Variants in KDM2B observed in about 807,000 individuals in gnomAD.
KDM2B encodes the protein lysine-specific demethylase 2B.
A neutral mutation model predicts 150.0 loss-of-function variants in KDM2B; 26 were observed. That is an observed-to-expected ratio of 0.17 (90% CI 0.13 to 0.24). KDM2B has a LOEUF of 0.24. Among genes scored for constraint, KDM2B ranks in the 10% least tolerant of loss-of-function variants. KDM2B has a pLI of 1.00. For missense variants in KDM2B, 1,265 were observed against 1,816.9 expected (o/e 0.70, Z 5.52); for synonymous variants, 734 against 729.5 (o/e 1.01, Z -0.10).
At chr12:121,570,423 C>T (rs1276328469) in intron 4 of KDM2B, among the ~76,000 whole-genome samples, 3 of 152,112 alleles carry the variant, frequency 2.0e-5, no homozygotes, top group East Asian at 1.9e-4. Flanking sequence ...TGGCCTCAAT[C>T]GATCCTCCTA....
In KDM2B at chr12:121,542,144, C is replaced by G. The variant is rs567176118; in HGVS notation, c.683+6733G>C. Among the ~76,000 whole-genome samples the G allele has an allele frequency of 1.2e-4, 19 of 152,258 alleles. 1 individual carries two copies. The South Asian group carries it at 2.9e-3, about 23-fold the overall frequency. ...GCTTCCTCCTTGGTGTTTCTTGAAC[C>G]ATTCACTATGGGGAACCCACTGCCA... On this transcript the variant is annotated intron_variant, in intron 6 of 22. Coordinates refer to ENST00000377071, the MANE Select transcript of KDM2B (RefSeq NM_032590.5).
At chr12:121,449,891 G>A (rs1555291174) in intron 13 of KDM2B, among the ~76,000 whole-genome samples, 1 of 152,180 alleles carries the variant, frequency 6.6e-6, no homozygotes, top group Admixed American at 6.5e-5. Context: ...AACTTCTGCA[G>A]CAAAAGAAAG....
At chr12:121,532,325 T>C (rs1887726023) in intron 8 of KDM2B, among the ~76,000 whole-genome samples, 2 of 152,132 alleles carry the variant, frequency 1.3e-5, no homozygotes, top group African/African-American at 4.8e-5. Flanking sequence ...TCCAGTGAAC[T>C]GGAGGCAAGG....
At position 121,575,987 on chromosome 12, in the gene KDM2B, C is replaced by T; in HGVS notation, c.272-128G>A. On this transcript the variant is annotated intron_variant, in intron 2 of 22. Coordinates refer to ENST00000377071, the MANE Select transcript of KDM2B (RefSeq NM_032590.5). The surrounding 1 kb of genome is among the most constrained non-coding windows in gnomAD (Gnocchi z 4.4). ...GGGGTCCAGGAGATGCAGGCACCAG[C>T]TGTACAGCAAAAGCTCCTTGGAAAA... is the stretch of plus-strand genomic sequence containing the variant. 1 of 689,736 alleles carries T rather than the reference C, an allele frequency of 1.4e-6. No homozygotes were observed. The highest frequency in any genetic ancestry group is 2.6e-6 in the Non-Finnish European group (1 of 382,184). 42.7% of individuals were successfully genotyped at this position (689,736 alleles called of 1,614,324 possible). A position where few individuals can be genotyped will look rare whatever the true frequency, so the allele number is the denominator to read the frequency against.
At chr12:121,415,648 A>G in the KDM2B span, among the ~76,000 whole-genome samples, 2 of 152,060 alleles carry the variant, frequency 1.3e-5, no homozygotes, top group African/African-American at 2.4e-5. Context: ...AAATAAATAA[A>G]TTGATGTTAT....
At position 121,537,604 on chromosome 12, in the gene KDM2B, G is replaced by T. The variant is rs1888242081; in HGVS notation, c.684-3014C>A. ...GCTGCACCTGCAGCACCAACTTTGG[G>T]GCGCTGCCTGGGGGCTGCGGAGGCG... On this transcript the variant is annotated intron_variant, in intron 6 of 22. Transcript: ENST00000377071. This position sits in a 1 kb window ranked among gnomAD's most constrained non-coding sequence, Gnocchi z 8.7. 6.6e-6 allele frequency: 1 copy of T among 152,166 alleles called. No individual in the cohort carries two copies. The highest frequency in any genetic ancestry group is 2.4e-5 in the African/African-American group (1 of 41,458). 9.4% of individuals were successfully genotyped at this position (152,166 alleles called of 1,614,324 possible). A position where few individuals can be genotyped will look rare whatever the true frequency, so the allele number is the denominator to read the frequency against.
At chr12:121,417,477 T>C in the KDM2B span, 2 of 1,586,450 alleles carry the variant, frequency 1.3e-6, no homozygotes, top group East Asian at 2.2e-5. This position sits in a 1 kb window ranked among gnomAD's most constrained non-coding sequence, Gnocchi z 5.0. Context: ...TATATCTTGC[T>C]GTCATCAAAT....
chr12:121,425,827 C>T (rs988050181), downstream of KDM2B, among the ~76,000 whole-genome samples: 2 of 150,272 alleles, frequency 1.3e-5, no homozygotes, highest in Non-Finnish European at 2.9e-5. Context: ...AGTGCAGTGG[C>T]GTGATCTCAG....
intron 10 of KDM2B, among the ~76,000 whole-genome samples, chr12:121,511,312 A>C (rs1412069995): frequency 7.6e-6 from 1 of 132,150 alleles, no homozygotes; most frequent in African/African-American, 3.0e-5. Flanking sequence ...TTTGAGACAG[A>C]GTCTCACTTT....
chr12:121,408,526 C>A, the KDM2B span, among the ~76,000 whole-genome samples: 4 of 152,140 alleles, frequency 2.6e-5, no homozygotes, highest in African/African-American at 4.8e-5. Context: ...TAGGACACTT[C>A]AAGCACTGTT....
downstream of KDM2B, chr12:121,424,457 TGCGGTG>T (rs1437178449): frequency 6.6e-6 from 1 of 151,972 alleles, no homozygotes; most frequent in African/African-American, 2.4e-5. Flanking sequence ...GGGGGCCGGG[TGCGGTG>T]GCTCACGCCT....
Position 121,533,046 on chromosome 12 carries a change from G to C in KDM2B, c.778-87C>G. On this transcript the variant is annotated intron_variant, in intron 7 of 22. Coordinates refer to ENST00000377071, the MANE Select transcript of KDM2B (RefSeq NM_032590.5). The surrounding 1 kb of genome is among the most constrained non-coding windows in gnomAD (Gnocchi z 4.1). The stretch of plus-strand genomic sequence containing the variant: ...GCCCCACCTGCCTGGCGGAAGGGGA[G>C]GGGGCGAGACAAGCTGTGTGTGGGG... 1 of 1,389,684 alleles carries C rather than the reference G, an allele frequency of 7.2e-7. No homozygotes were observed. The highest frequency in any genetic ancestry group is 1.0e-6 in the Non-Finnish European group (1 of 997,934). 86.1% of individuals were successfully genotyped at this position (1,389,684 alleles called of 1,614,324 possible). A position where few individuals can be genotyped will look rare whatever the true frequency, so the allele number is the denominator to read the frequency against.
At chr12:121,497,594 C>T (rs1884113222) in intron 11 of KDM2B, among the ~76,000 whole-genome samples, 1 of 151,836 alleles carries the variant, frequency 6.6e-6, no homozygotes, top group Admixed American at 6.6e-5. Flanking sequence ...GTGTGAGCCA[C>T]CGCACCTGGC....
Position 121,577,490 on chromosome 12 carries a change from C to G in KDM2B, c.271+1312G>C, listed in dbSNP as rs529470081. ...GGCTGGGAGAAATTTATTCTTCCCT[C>G]CCCCAACAAACACCCCTCACCACCG... On this transcript the variant is annotated intron_variant, in intron 2 of 22. Coordinates refer to ENST00000377071, the MANE Select transcript of KDM2B (RefSeq NM_032590.5). 3.9e-5 allele frequency among the ~76,000 whole-genome samples: 6 copies of G among 152,224 alleles called. No individual in the cohort carries two copies. In the East Asian group the frequency reaches 1.2e-3, roughly 29 times the overall value.
chr12:121,440,112 T>G (rs782064734), intron 21 of KDM2B, 37 bp from the exon 22 acceptor site: 2 of 1,517,674 alleles, frequency 1.3e-6, no homozygotes, highest in Non-Finnish European at 1.8e-6. Flanking sequence ...CCCGTCAATC[T>G]GACCGAGGAG....
At position 121,549,532 on chromosome 12, in the gene KDM2B, G is replaced by A. The variant is rs1438173233; in HGVS notation, c.504C>T (p.Asp168=). 1.1e-5 allele frequency: 17 copies of A among 1,613,492 alleles called. No homozygotes were observed. The highest frequency in any genetic ancestry group is 1.4e-5 in the Non-Finnish European group (16 of 1,179,690). Residue 168 remains aspartate, a synonymous_variant, in exon 5 of 23, where the codon GAC becomes GAT. Transcript: ENST00000377071. The surrounding 1 kb of genome is among the most constrained non-coding windows in gnomAD (Gnocchi z 4.4). ...RYYETPEAQR[D]KLYNVISLEF... is the part of the protein sequence containing the mutation. Reference sequence around the variant, plus strand: ...CTAGGCTGATGACGTTGTACAGCTTGTCCCGCTGGGCCTCGGGCGTCTCGT... The same window carrying A: ...CTAGGCTGATGACGTTGTACAGCTTATCCCGCTGGGCCTCGGGCGTCTCGT...
the KDM2B span, among the ~76,000 whole-genome samples, chr12:121,413,983 G>C: frequency 3.3e-5 from 5 of 152,186 alleles, no homozygotes; most frequent in African/African-American, 1.2e-4. Flanking sequence ...ACCTTGTGTT[G>C]TGGTTTCTTC....
At chr12:121,477,780 G>C (rs973016984) in intron 12 of KDM2B, among the ~76,000 whole-genome samples, 1 of 152,036 alleles carries the variant, frequency 6.6e-6, no homozygotes, top group Admixed American at 6.6e-5. Flanking sequence ...GTTTCACCAT[G>C]TTGGCCAGGC....
intron 13 of KDM2B, among the ~76,000 whole-genome samples, chr12:121,451,876 C>T (rs1418696454): frequency 2.0e-5 from 3 of 151,626 alleles, no homozygotes; most frequent in Non-Finnish European, 4.4e-5. Context: ...TCCACTGCTG[C>T]ACTCCAGCCT....
Sources: allele counts gnomAD v4.1 joint callset (sites outside exome capture counted in the v4.1 genomes callset), GRCh38; gene constraint gnomAD v4.1.1; non-coding constraint Gnocchi (gnomAD v3.1); transcripts MANE v1.5; gene names NCBI Gene and HGNC (gene_info 2026-07-23, HGNC 2026-07-21).